THEMIS: variants seen among roughly 807,000 people sequenced by gnomAD.
The protein encoded by THEMIS is protein THEMIS.
THEMIS carries 37 observed loss-of-function variants against 52.6 expected under a neutral mutation model. The ratio of observed to expected loss-of-function variants is 0.70; its 90% CI spans 0.54 to 0.93. The LOEUF (loss-of-function observed/expected upper bound fraction) is 0.93. THEMIS is among the 40% of genes least tolerant of loss of function. The probability of loss-of-function intolerance (pLI) is 0.00; values close to 1 mark genes in which losing one functional copy is unlikely to be tolerated. For synonymous variants in THEMIS, 292 were observed against 272.7 expected, an observed-to-expected ratio of 1.07 and a Z score of -0.70; for missense variants, 808 against 763.1, an observed-to-expected ratio of 1.06 and a Z score of -0.69.
chr6:127,828,815 A>G (rs1450132153), intron 3 of THEMIS, among the ~76,000 whole-genome samples: 1 of 152,072 alleles, frequency 6.6e-6, no homozygotes, highest in African/African-American at 2.4e-5. Flanking sequence ...TTAGCTGAAC[A>G]TGGTGGCGGG....
At chr6:127,726,436 A>G (rs1319117027) in intron 4 of THEMIS, among the ~76,000 whole-genome samples, 2 of 152,152 alleles carry the variant, frequency 1.3e-5, no homozygotes, top group Non-Finnish European at 2.9e-5. Context: ...CTCACATATC[A>G]TATATCAAAG....
intron 4 of THEMIS, among the ~76,000 whole-genome samples, chr6:127,752,186 C>A (rs1354197745): frequency 2.0e-5 from 3 of 151,518 alleles, no homozygotes; most frequent in Non-Finnish European, 3.0e-5. Context: ...AAAGTTATCA[C>A]AGTAAATACC....
At chr6:127,792,565 A>T (rs1479747455) in intron 4 of THEMIS, among the ~76,000 whole-genome samples, 1 of 152,250 alleles carries the variant, frequency 6.6e-6, no homozygotes, top group African/African-American at 2.4e-5. Context: ...TCTGAGAATC[A>T]TCATTTGGGA....
chr6:127,912,405 G>T (rs1398209328), intron 1 of THEMIS, among the ~76,000 whole-genome samples: 1 of 152,192 alleles, frequency 6.6e-6, no homozygotes, highest in Non-Finnish European at 1.5e-5. Flanking sequence ...AAAGAGATTT[G>T]ACTAACTCCA....
chr6:127,746,493 G>A (rs1049976113), intron 4 of THEMIS, among the ~76,000 whole-genome samples: 1 of 149,884 alleles, frequency 6.7e-6, no homozygotes, highest in African/African-American at 2.5e-5. Context: ...ATTCAACTGA[G>A]TTAAGATTAT....
At chr6:127,700,039 T>A in the THEMIS span, among the ~76,000 whole-genome samples, 1 of 151,806 alleles carries the variant, frequency 6.6e-6, no homozygotes, top group South Asian at 2.1e-4. Flanking sequence ...AGTAAAAATA[T>A]TTGCGAATCA....
intron 4 of THEMIS, among the ~76,000 whole-genome samples, chr6:127,776,833 A>G (rs922917790): frequency 1.8e-4 from 28 of 152,166 alleles, no homozygotes; most frequent in African/African-American, 6.3e-4. Context: ...TATTTCATGT[A>G]TCTTAACATT....
rs556017000 is a variant in THEMIS, at chr6:127,917,285, C to T, written c.-150+1143G>A. Among the ~76,000 whole-genome samples, 11 of 152,222 alleles carry T rather than the reference C, an allele frequency of 7.2e-5. No homozygotes were observed. The South Asian group carries it at 1.5e-3, about 20-fold the overall frequency. On this transcript the variant is annotated intron_variant, in intron 1 of 6. Transcript: ENST00000368250. ...TCAGTCCCCCAGTTACATTTTGGGT[C>T]GGTAGGCAGGCAATAGATGCTTCTA... is the stretch of plus-strand genomic sequence containing the variant.
intron 5 of THEMIS, among the ~76,000 whole-genome samples, chr6:127,712,181 G>C (rs1335519506): frequency 6.6e-6 from 1 of 151,938 alleles, no homozygotes; most frequent in African/African-American, 2.4e-5. Flanking sequence ...ATAGTACACA[G>C]TTAAGCAGAA....
chr6:127,799,407 A>G (rs566132453), intron 4 of THEMIS, among the ~76,000 whole-genome samples: 6 of 152,326 alleles, frequency 3.9e-5, no homozygotes, highest in Admixed American at 3.9e-4. Flanking sequence ...TGACAAATGC[A>G]AACAGGAATA....
chr6:127,785,898 T>C (rs1233303071), intron 4 of THEMIS, among the ~76,000 whole-genome samples: 1 of 152,076 alleles, frequency 6.6e-6, no homozygotes, highest in Non-Finnish European at 1.5e-5. Context: ...TTATACCAAT[T>C]TATGAAATTC....
chr6:127,793,846 A>T (rs962545429), intron 4 of THEMIS, among the ~76,000 whole-genome samples: 6 of 152,246 alleles, frequency 3.9e-5, no homozygotes, highest in Admixed American at 6.5e-5. Flanking sequence ...CACTAAGATT[A>T]TCCCAGACCA....
At chr6:127,891,615 T>C (rs1431877571) in intron 1 of THEMIS, among the ~76,000 whole-genome samples, 6 of 151,726 alleles carry the variant, frequency 4.0e-5, no homozygotes. Context: ...TCTCTTGAAC[T>C]GTTCCTTTCT....
downstream of THEMIS, chr6:127,708,169 A>C (rs1247816687): frequency 6.6e-6 from 1 of 152,120 alleles, no homozygotes; most frequent in African/African-American, 2.4e-5. Flanking sequence ...TAGTTATTCT[A>C]GAGTTAAACA....
chr6:127,744,739 T>G (rs1299816449), intron 4 of THEMIS, among the ~76,000 whole-genome samples: 1 of 151,962 alleles, frequency 6.6e-6, no homozygotes, highest in African/African-American at 2.4e-5. Context: ...GGGTAAATTA[T>G]AGATATATGC....
intron 4 of THEMIS, among the ~76,000 whole-genome samples, chr6:127,794,543 GT>G (rs1183692979): frequency 2.4e-4 from 37 of 152,224 alleles, no homozygotes; most frequent in African/African-American, 8.2e-4. Context: ...GTCCATGCTG[GT>G]CTTCTACTTC....
At chr6:127,906,878 A>G (rs114848303) in intron 1 of THEMIS, among the ~76,000 whole-genome samples, 2,659 of 152,032 alleles carry the variant, frequency 0.017, 87 homozygotes, top group African/African-American at 0.06. Context: ...CTTTACGTAA[A>G]ATACCAATTC....
intron 4 of THEMIS, among the ~76,000 whole-genome samples, chr6:127,799,817 A>G (rs546002319): frequency 2.0e-5 from 3 of 152,212 alleles, no homozygotes; most frequent in African/African-American, 7.2e-5. Flanking sequence ...ACCATCCTTT[A>G]CCCATACCAT....
At chr6:127,788,435 A>G (rs190611136) in intron 4 of THEMIS, among the ~76,000 whole-genome samples, 4 of 152,362 alleles carry the variant, frequency 2.6e-5, no homozygotes, top group Middle Eastern at 3.4e-3. Flanking sequence ...GAAGCTTCTT[A>G]TCCCACAGGA....
Sources: allele counts gnomAD v4.1 joint callset (sites outside exome capture counted in the v4.1 genomes callset), GRCh38; gene constraint gnomAD v4.1.1; transcripts MANE v1.5; gene names NCBI Gene and HGNC (gene_info 2026-07-23, HGNC 2026-07-21).